Variants in TSPAN9 observed in about 807,000 individuals in gnomAD.
TSPAN9 encodes the protein tetraspanin-9.
In TSPAN9, 16 loss-of-function variants were observed where a neutral mutation model predicts 31.0. The observed-to-expected ratio is 0.52, with a 90% CI of 0.35 to 0.78. The LOEUF (loss-of-function observed/expected upper bound fraction) is 0.78, where lower values mean the gene tolerates loss of function less well. TSPAN9 is among the 30% of genes least tolerant of loss of function. The pLI is 0.01. For synonymous variants in TSPAN9, 145 were observed against 121.6 expected, an observed-to-expected ratio of 1.19 and a Z score of -1.27; for missense variants, 272 against 312.5, an observed-to-expected ratio of 0.87 and a Z score of 0.98.
chr12:3,142,041 T>A (rs2153967822), intron 2 of TSPAN9, among the ~76,000 whole-genome samples: 1 of 152,326 alleles, frequency 6.6e-6, no homozygotes, highest in East Asian at 1.9e-4. Flanking sequence ...TGTCTTACCA[T>A]GGCCAGGTGC....
chr12:3,173,339 C>T (rs2098353170), intron 2 of TSPAN9: 1 of 152,454 alleles, frequency 6.6e-6, no homozygotes, highest in Non-Finnish European at 1.5e-5. Context: ...TGGGTCTCGC[C>T]TGTGCTATTT....
chr12:3,141,458 C>T (rs2153967758), intron 2 of TSPAN9, among the ~76,000 whole-genome samples: 1 of 152,278 alleles, frequency 6.6e-6, no homozygotes, highest in Middle Eastern at 3.4e-3. Context: ...CTTCCTCCTG[C>T]CCCGGGCCCT....
intron 3 of TSPAN9, among the ~76,000 whole-genome samples, chr12:3,224,774 C>A (rs552955810): frequency 2.0e-5 from 3 of 152,324 alleles, no homozygotes; most frequent in Admixed American, 2.0e-4. Context: ...TCAGCACGGG[C>A]CCCCTGACAG....
intron 2 of TSPAN9, among the ~76,000 whole-genome samples, chr12:3,109,079 G>A (rs539626874): frequency 9.3e-4 from 142 of 152,114 alleles, no homozygotes; most frequent in Admixed American, 2.2e-3. Context: ...GGGACTACAG[G>A]CACTCGCCAC....
intron 3 of TSPAN9, among the ~76,000 whole-genome samples, chr12:3,213,896 G>C (rs2098380074): frequency 6.6e-6 from 1 of 152,222 alleles, no homozygotes; most frequent in African/African-American, 2.4e-5. Context: ...GGGGTGCCTG[G>C]CCATGCATCC....
intron 2 of TSPAN9, among the ~76,000 whole-genome samples, chr12:3,182,650 T>C (rs1187397126): frequency 6.6e-6 from 1 of 152,200 alleles, no homozygotes; most frequent in Non-Finnish European, 1.5e-5. Context: ...CTGACAGGTC[T>C]GTCCGCAAAG....
chr12:3,167,456 C>T (rs1242612011), intron 2 of TSPAN9, among the ~76,000 whole-genome samples: 3 of 152,180 alleles, frequency 2.0e-5, no homozygotes, highest in Non-Finnish European at 2.9e-5. Flanking sequence ...ACTGTGAGCC[C>T]CTGGAGATTG....
intron 2 of TSPAN9, among the ~76,000 whole-genome samples, chr12:3,086,172 CT>C (rs1304367867): frequency 6.6e-6 from 1 of 152,214 alleles, no homozygotes; most frequent in Non-Finnish European, 1.5e-5. Flanking sequence ...AAACTCTCTC[CT>C]TGCTCTCAAA....
In TSPAN9 at chr12:3,118,654, A is replaced by G. The variant is rs116045693; in HGVS notation, c.-18+34935A>G. On this transcript the variant is annotated intron_variant, in intron 2 of 8. Transcript: ENST00000011898. Reference sequence around the variant, plus strand: ...GAAACATTCCTCTCAGCTCAGCCCCACTGCACCTGCAGCCCTTGGCCTCCT... The same window carrying G: ...GAAACATTCCTCTCAGCTCAGCCCCGCTGCACCTGCAGCCCTTGGCCTCCT... Among the ~76,000 whole-genome samples the G allele has an allele frequency of 1.7e-3, 263 of 151,764 alleles. 2 individuals are homozygous for G. The highest frequency in any genetic ancestry group is 6.2e-3 in the African/African-American group (256 of 41,290).
At chr12:3,094,415 T>C (rs1216242104) in intron 2 of TSPAN9, among the ~76,000 whole-genome samples, 1 of 152,152 alleles carries the variant, frequency 6.6e-6, no homozygotes, top group Non-Finnish European at 1.5e-5. Flanking sequence ...CCAAGAAAAT[T>C]ATTGCCAAGC....
At chr12:3,121,349 T>A (rs1373658893) in intron 2 of TSPAN9, among the ~76,000 whole-genome samples, 1 of 116,306 alleles carries the variant, frequency 8.6e-6, no homozygotes, top group African/African-American at 3.3e-5. Flanking sequence ...CAGGGGATGT[T>A]GGCTTTTTTT....
chr12:3,231,538 A>AC (rs2098390769), intron 3 of TSPAN9, among the ~76,000 whole-genome samples: 1 of 152,112 alleles, frequency 6.6e-6, no homozygotes, highest in East Asian at 1.9e-4. Flanking sequence ...TCCCAGCCTG[A>AC]CCATCCCATG....
intron 2 of TSPAN9, among the ~76,000 whole-genome samples, chr12:3,130,566 G>A (rs2098329394): frequency 6.6e-6 from 1 of 152,110 alleles, no homozygotes; most frequent in African/African-American, 2.4e-5. Flanking sequence ...GGGCTTCTCG[G>A]GACTGGCCTG....
At chr12:3,176,695 G>A (rs1032322442) in intron 2 of TSPAN9, among the ~76,000 whole-genome samples, 6 of 152,174 alleles carry the variant, frequency 3.9e-5, no homozygotes, top group Non-Finnish European at 7.3e-5. Context: ...TCGTCTCAGC[G>A]AAGAAAGTAT....
intron 3 of TSPAN9, chr12:3,211,908 C>G: frequency 1.3e-6 from 2 of 1,576,030 alleles, no homozygotes; most frequent in Admixed American, 3.4e-5. Context: ...AGATCCTTTG[C>G]GAGAGGCATG....
chr12:3,201,838 A>G (rs1419887247), intron 3 of TSPAN9, among the ~76,000 whole-genome samples: 1 of 152,140 alleles, frequency 6.6e-6, no homozygotes, highest in Admixed American at 6.5e-5. Context: ...GTCCTCAGAT[A>G]TGCTCCCGAG....
At chr12:3,207,152 C>G (rs964949154) in intron 3 of TSPAN9, among the ~76,000 whole-genome samples, 15 of 152,046 alleles carry the variant, frequency 9.9e-5, no homozygotes, top group Admixed American at 2.6e-4. Context: ...CCTGGGGATG[C>G]TGGCTTTCCA....
chr12:3,253,007 C>T (rs1344270687), intron 3 of TSPAN9, among the ~76,000 whole-genome samples: 7 of 152,132 alleles, frequency 4.6e-5, no homozygotes, highest in African/African-American at 1.7e-4. Flanking sequence ...TGCTGCGTGG[C>T]GTGTCCGAGT....
intron 3 of TSPAN9, among the ~76,000 whole-genome samples, chr12:3,268,966 C>G (rs866939903): frequency 1.6e-4 from 15 of 91,532 alleles, no homozygotes; most frequent in East Asian, 5.9e-4. Context: ...CCTGCCCTCT[C>G]TGTGTTCCTG....
Sources: gnomAD v4.1 joint callset for allele counts (sites outside exome capture counted in the v4.1 genomes callset) on GRCh38, gnomAD v4.1.1 for gene constraint, MANE v1.5 for transcripts, NCBI Gene and HGNC (gene_info 2026-07-23, HGNC 2026-07-21) for gene names.